SLC6A11: variants seen among roughly 807,000 people sequenced by gnomAD.
SLC6A11 encodes the protein solute carrier family 6 member 11.
Under a neutral mutation model 74.8 loss-of-function variants are expected in SLC6A11, and 25 were observed. That is an observed-to-expected ratio of 0.33 (90% CI 0.24 to 0.47). The LOEUF is 0.47. Ranked by LOEUF, SLC6A11 falls within the 20% of genes least tolerant of loss-of-function variation. The pLI is 1.00. For synonymous variants in SLC6A11, 330 were observed against 330.2 expected, an observed-to-expected ratio of 1.00 and a Z score of 0.01; for missense variants, 574 against 837.0, an observed-to-expected ratio of 0.69 and a Z score of 3.88.
intron 4 of SLC6A11, among the ~76,000 whole-genome samples, chr3:10,841,245 ACT>A (rs1437088632): frequency 6.6e-6 from 1 of 151,800 alleles, no homozygotes; most frequent in Non-Finnish European, 1.5e-5. Context: ...TTGGCAGCAA[ACT>A]CTTCCTTATT....
chr3:10,928,340 C>T (rs1047439103), intron 9 of SLC6A11, among the ~76,000 whole-genome samples: 1 of 152,024 alleles, frequency 6.6e-6, no homozygotes, highest in Non-Finnish European at 1.5e-5. Context: ...CAGGAAAGGG[C>T]CCCCAGGGTG....
intron 4 of SLC6A11, among the ~76,000 whole-genome samples, chr3:10,830,084 T>A (rs1694274974): frequency 6.6e-6 from 1 of 152,128 alleles, no homozygotes. Context: ...AAAGAGTTTT[T>A]GAATTACGAG....
chr3:10,939,010 G>A lies in SLC6A11; in HGVS notation c.*608G>A, dbSNP rs543010130. ...TTGGGCACTCCCTTTCCCTCCCTGGGCCTCAGTTTCCCCATCTCCCAAATG... is the reference window on the plus strand; with the variant it reads ...TTGGGCACTCCCTTTCCCTCCCTGGACCTCAGTTTCCCCATCTCCCAAATG... On this transcript the variant is annotated 3_prime_UTR_variant, in exon 14 of 14. Transcript: ENST00000254488. 2.6e-5 allele frequency: 4 copies of A among 152,376 alleles called. No individual in the cohort carries two copies. Among genetic ancestry groups the A allele is most frequent in the African/African-American group, 9.6e-5 (4 of 41,562 alleles). 9.4% of individuals were successfully genotyped at this position (152,376 alleles called of 1,614,324 possible).
At chr3:10,831,552 G>A (rs1035822045) in intron 4 of SLC6A11, among the ~76,000 whole-genome samples, 1 of 152,164 alleles carries the variant, frequency 6.6e-6, no homozygotes, top group African/African-American at 2.4e-5. Flanking sequence ...CATAAACCAT[G>A]TCTGGCAGAA....
intron 5 of SLC6A11, among the ~76,000 whole-genome samples, chr3:10,859,139 A>C (rs1694673472): frequency 6.6e-6 from 1 of 152,236 alleles, no homozygotes; most frequent in South Asian, 2.1e-4. Flanking sequence ...TGTGGAATGA[A>C]TAGGAGGGGG....
At chr3:10,894,291 G>A (rs577997979) in intron 6 of SLC6A11, among the ~76,000 whole-genome samples, 1 of 152,344 alleles carries the variant, frequency 6.6e-6, no homozygotes, top group South Asian at 2.1e-4. Flanking sequence ...GGCAATGTGA[G>A]CAGGTGGCAA....
At chr3:10,907,508 GAGA>G (rs1695321547) in intron 6 of SLC6A11, among the ~76,000 whole-genome samples, 1 of 152,174 alleles carries the variant, frequency 6.6e-6, no homozygotes, top group Non-Finnish European at 1.5e-5. Context: ...TCTCCTGAAA[GAGA>G]AGAATTGCAC....
At chr3:10,830,884 C>T (rs1694287381) in intron 4 of SLC6A11, among the ~76,000 whole-genome samples, 1 of 152,126 alleles carries the variant, frequency 6.6e-6, no homozygotes, top group African/African-American at 2.4e-5. Context: ...ATAAGGCAGC[C>T]TCCCCAGGCT....
chr3:10,826,682 G>A (rs1322687066), intron 4 of SLC6A11, among the ~76,000 whole-genome samples: 1 of 152,200 alleles, frequency 6.6e-6, no homozygotes, highest in East Asian at 1.9e-4. Context: ...CTAGATGGAT[G>A]GATGAAGAAG....
At chr3:10,913,275 G>T (rs1695411455) in intron 7 of SLC6A11, among the ~76,000 whole-genome samples, 1 of 152,094 alleles carries the variant, frequency 6.6e-6, no homozygotes, top group African/African-American at 2.4e-5. Flanking sequence ...AATAATTAAA[G>T]AAATCACAAA....
At chr3:10,879,889 T>C (rs955575312) in intron 6 of SLC6A11, among the ~76,000 whole-genome samples, 2 of 152,152 alleles carry the variant, frequency 1.3e-5, no homozygotes, top group Non-Finnish European at 2.9e-5. Context: ...CTTTGGAGCA[T>C]TTCAGATTTT....
rs77701408 is a variant in SLC6A11, at chr3:10,898,214, G to C, written c.892-13876G>C. On this transcript the variant is annotated intron_variant, in intron 6 of 13. Coordinates refer to ENST00000254488, the MANE Select transcript of SLC6A11 (RefSeq NM_014229.3). ...GGGCTGCTGTGAAGACTTCTGACATGCCCTCGAGACATTTTCCCTATTGTT... is the reference window on the plus strand; with the variant it reads ...GGGCTGCTGTGAAGACTTCTGACATCCCCTCGAGACATTTTCCCTATTGTT... 7.7e-3 allele frequency among the ~76,000 whole-genome samples: 1,168 copies of C among 152,340 alleles called. 4 individuals carry two copies. Among genetic ancestry groups the C allele is most frequent in the East Asian group, 0.026 (137 of 5,186 alleles).
At chr3:10,854,182 G>A (rs149481383) in intron 5 of SLC6A11, among the ~76,000 whole-genome samples, 2,715 of 152,332 alleles carry the variant, frequency 0.018, 101 homozygotes, top group African/African-American at 0.062. Context: ...GAGGTTAGGA[G>A]TTCAGGACCA....
intron 8 of SLC6A11, among the ~76,000 whole-genome samples, chr3:10,920,491 CATT>C (rs1176559490): frequency 2.6e-5 from 4 of 152,164 alleles, no homozygotes; most frequent in Non-Finnish European, 4.4e-5. Flanking sequence ...AGATTGCTAT[CATT>C]GAGTTGTGTG....
chr3:10,834,988 G>A (rs1233997837), intron 4 of SLC6A11, among the ~76,000 whole-genome samples: 1 of 152,150 alleles, frequency 6.6e-6, no homozygotes, highest in East Asian at 1.9e-4. Context: ...TCTCCCAGTG[G>A]GATGCACCCA....
At chr3:10,927,308 C>G (rs1176460881) in intron 9 of SLC6A11, among the ~76,000 whole-genome samples, 1 of 152,156 alleles carries the variant, frequency 6.6e-6, no homozygotes, top group Non-Finnish European at 1.5e-5. Flanking sequence ...CCCGGCTCGG[C>G]GAGTCCCTGG....
At chr3:10,938,179 G>A (rs1695780353) in intron 13 of SLC6A11, 71 bp from the exon 14 acceptor site, 1 of 1,422,980 alleles carries the variant, frequency 7.0e-7, no homozygotes, top group South Asian at 1.5e-5. Context: ...GTGTGCTTGG[G>A]AGAGGCCACG....
intron 6 of SLC6A11, among the ~76,000 whole-genome samples, chr3:10,894,464 A>G (rs1198229636): frequency 1.3e-5 from 2 of 152,194 alleles, no homozygotes; most frequent in Non-Finnish European, 2.9e-5. Context: ...AGGCTCATTT[A>G]CACCACCTCT....
At chr3:10,825,810 A>G (rs998393878) in intron 4 of SLC6A11, among the ~76,000 whole-genome samples, 1 of 152,208 alleles carries the variant, frequency 6.6e-6, no homozygotes, top group African/African-American at 2.4e-5. Flanking sequence ...TCTGATTTAT[A>G]ATGCCATCTT....
Sources: gnomAD v4.1 joint callset for allele counts (sites outside exome capture counted in the v4.1 genomes callset) on GRCh38, gnomAD v4.1.1 for gene constraint, MANE v1.5 for transcripts, NCBI Gene and HGNC (gene_info 2026-07-23, HGNC 2026-07-21) for gene names.